Variants in FRA10AC1 observed in about 807,000 individuals in gnomAD.
FRA10AC1 encodes protein FRA10AC1.
FRA10AC1 carries 43 observed loss-of-function variants against 56.5 expected under a neutral mutation model. The observed-to-expected ratio is 0.76, with a 90% confidence interval of 0.60 to 0.98. The LOEUF is 0.98. Among genes scored for constraint, FRA10AC1 ranks in the 50% least tolerant of loss-of-function variants. FRA10AC1 has a pLI of 0.00. For missense variants in FRA10AC1, 346 were observed against 351.8 expected (o/e 0.98, Z 0.13); for synonymous variants, 112 against 110.5 (o/e 1.01, Z -0.09).
intron 10 of FRA10AC1, among the ~76,000 whole-genome samples, chr10:93,683,571 G>A (rs1465577417): frequency 2.0e-5 from 3 of 151,986 alleles, no homozygotes; most frequent in South Asian, 2.1e-4. Flanking sequence ...GGCTGGTCTC[G>A]AACTTCTGAC....
chr10:93,690,650 T>G (rs969905536), intron 7 of FRA10AC1, among the ~76,000 whole-genome samples: 1 of 152,018 alleles, frequency 6.6e-6, no homozygotes, highest in Non-Finnish European at 1.5e-5. Context: ...TTAAGAACAA[T>G]CCATGAATAA....
chr10:93,689,876 G>T (rs374566361), intron 7 of FRA10AC1, among the ~76,000 whole-genome samples: 1 of 152,082 alleles, frequency 6.6e-6, no homozygotes, highest in African/African-American at 2.4e-5. Flanking sequence ...TATGACCATC[G>T]ACTTGAACTT....
At chr10:93,697,696 T>C (rs895651824) in intron 4 of FRA10AC1, among the ~76,000 whole-genome samples, 6 of 152,164 alleles carry the variant, frequency 3.9e-5, no homozygotes, top group Admixed American at 1.3e-4. Flanking sequence ...GCAGGCCTCA[T>C]TTTATTTTTA....
intron 11 of FRA10AC1, among the ~76,000 whole-genome samples, chr10:93,680,016 A>G (rs2058906253): frequency 1.3e-5 from 2 of 152,166 alleles, no homozygotes; most frequent in Non-Finnish European, 2.9e-5. Context: ...AAAAATGTCT[A>G]TAAGGAAGAT....
At chr10:93,696,973 A>G (rs2059243822) in intron 4 of FRA10AC1, among the ~76,000 whole-genome samples, 1 of 152,186 alleles carries the variant, frequency 6.6e-6, no homozygotes, top group Non-Finnish European at 1.5e-5. Flanking sequence ...GGTGAGGGTG[A>G]TGGGTTGATA....
At chr10:93,701,867 T>G (rs146090837) in intron 1 of FRA10AC1, among the ~76,000 whole-genome samples, 9 of 152,158 alleles carry the variant, frequency 5.9e-5, no homozygotes, top group Non-Finnish European at 1.2e-4. Context: ...CACTTTCCAT[T>G]TGTCTTTCTT....
chr10:93,678,590 G>T (rs543911636), intron 11 of FRA10AC1, among the ~76,000 whole-genome samples: 3 of 152,092 alleles, frequency 2.0e-5, no homozygotes, highest in East Asian at 1.9e-4. Context: ...CAGCACTTTG[G>T]GGGGCCAAGG....
At chr10:93,687,513 G>C in intron 7 of FRA10AC1, 64 bp from the exon 8 acceptor site, 1 of 1,352,658 alleles carries the variant, frequency 7.4e-7, no homozygotes. Context: ...TCTAAACATG[G>C]AGCCAACAAT....
At chr10:93,692,224 GGAA>G (rs1338579895) in intron 6 of FRA10AC1, 131 bp from the exon 7 acceptor site, 1 of 618,022 alleles carries the variant, frequency 1.6e-6, no homozygotes, top group African/African-American at 2.0e-5. Context: ...ACATGTGCAT[GGAA>G]TATCTGGATA....
intron 7 of FRA10AC1, among the ~76,000 whole-genome samples, chr10:93,691,198 T>C (rs1044679583): frequency 6.6e-6 from 1 of 152,172 alleles, no homozygotes; most frequent in African/African-American, 2.4e-5. Context: ...CTTTCTATTT[T>C]TTAGAGTCTC....
chr10:93,694,751 C>A, intron 5 of FRA10AC1, 110 bp downstream of exon 5: 3 of 493,502 alleles, frequency 6.1e-6, no homozygotes, highest in South Asian at 2.2e-5. Context: ...AAAAGGCACA[C>A]CGGAATAGAA....
At chr10:93,683,905 G>A (rs1417075476) in intron 10 of FRA10AC1, 151 bp downstream of exon 10, 7 of 587,188 alleles carry the variant, frequency 1.2e-5, no homozygotes, top group African/African-American at 3.7e-5. Context: ...TAAACCCCTC[G>A]TTTATGTAGC....
chr10:93,702,677 A>C (rs2059365189), upstream of FRA10AC1: 2 of 226,798 alleles, frequency 8.8e-6, no homozygotes, highest in Non-Finnish European at 1.8e-5. Context: ...CAGCTCCGGG[A>C]AACAAGGGCA....
chr10:93,702,735 C>A (rs1408187423), upstream of FRA10AC1, among the ~76,000 whole-genome samples: 3 of 152,174 alleles, frequency 2.0e-5, no homozygotes, highest in East Asian at 5.8e-4. Flanking sequence ...CAGCTTTCGC[C>A]AAGTCGCGGC....
intron 5 of FRA10AC1, among the ~76,000 whole-genome samples, chr10:93,693,531 C>CATATATATATATATATATATACACCATAT (rs397947381): frequency 1.3e-4 from 4 of 30,772 alleles, no homozygotes; most frequent in African/African-American, 2.4e-4. Flanking sequence ...ATATATACAC[C>CATATATATATATATATATATACACCATAT]ATATATATAT....
intron 7 of FRA10AC1, among the ~76,000 whole-genome samples, chr10:93,690,191 T>C (rs967146416): frequency 9.9e-5 from 15 of 152,104 alleles, no homozygotes; most frequent in African/African-American, 3.6e-4. Context: ...TTACTCTTTC[T>C]CCAACACCTC....
Position 93,668,187 on chromosome 10 carries a change from G to A in FRA10AC1, c.*1639C>T, listed in dbSNP as rs528783839. The A allele has an allele frequency of 6.6e-4, 101 of 152,230 alleles. No individual in the cohort carries two copies. The highest frequency in any genetic ancestry group is 2.3e-3 in the African/African-American group (96 of 41,532). The allele number at this position is 152,230 out of a possible 1,614,324, so 9.4% of individuals were successfully genotyped here. A position where few individuals can be genotyped will look rare whatever the true frequency, so the allele number is the denominator to read the frequency against. ...ATTGCCAATCATTCCGTGTTTAAATGTTATTTAAAATAGTATATCTTCAAT... is the reference window on the plus strand; with the variant it reads ...ATTGCCAATCATTCCGTGTTTAAATATTATTTAAAATAGTATATCTTCAAT... On this transcript the variant is annotated 3_prime_UTR_variant, in exon 14 of 14. Transcript: ENST00000359204.
chr10:93,677,383 A>G (rs781653938), intron 11 of FRA10AC1, among the ~76,000 whole-genome samples: 5 of 152,206 alleles, frequency 3.3e-5, no homozygotes, highest in Non-Finnish European at 5.9e-5. Context: ...CTCGTAACCC[A>G]AAGTTTTTGG....
At chr10:93,679,632 A>G (rs1158378995) in intron 11 of FRA10AC1, among the ~76,000 whole-genome samples, 1 of 152,156 alleles carries the variant, frequency 6.6e-6, no homozygotes, top group Non-Finnish European at 1.5e-5. Context: ...GTAAGAAACA[A>G]GCCTTGTATA....
Sources: gnomAD v4.1 joint callset for allele counts (sites outside exome capture counted in the v4.1 genomes callset) on GRCh38, gnomAD v4.1.1 for gene constraint, MANE v1.5 for transcripts, NCBI Gene and HGNC (gene_info 2026-07-23, HGNC 2026-07-21) for gene names.